RMDN2: variants seen among roughly 807,000 people sequenced by gnomAD.
The protein encoded by RMDN2 is regulator of microtubule dynamics 2.
Under a neutral mutation model 52.8 loss-of-function variants are expected in RMDN2, and 61 were observed. That is an observed-to-expected ratio of 1.16 (90% CI 0.94 to 1.43). The LOEUF (loss-of-function observed/expected upper bound fraction) is 1.43, where lower values mean the gene tolerates loss of function less well. RMDN2 is among the 40% of genes most tolerant of loss of function. The pLI, the probability that RMDN2 is intolerant of heterozygous loss-of-function variation, is 0.00. For missense variants in RMDN2, 592 were observed against 475.3 expected (o/e 1.25, Z -2.28); for synonymous variants, 180 against 153.1 (o/e 1.18, Z -1.30).
intron 7 of RMDN2, among the ~76,000 whole-genome samples, chr2:37,995,776 T>A (rs900161032): frequency 6.6e-6 from 1 of 152,214 alleles, no homozygotes; most frequent in African/African-American, 2.4e-5. Flanking sequence ...AGAACTGATG[T>A]CATGCAGTTT....
intron 10 of RMDN2, chr2:38,030,156 C>A (rs1476230623): frequency 6.6e-6 from 1 of 152,216 alleles, no homozygotes. Flanking sequence ...GAGTCTGTGA[C>A]AATGCCAGCG....
At chr2:37,959,466 G>A (rs2125006050) in intron 2 of RMDN2, among the ~76,000 whole-genome samples, 1 of 151,004 alleles carries the variant, frequency 6.6e-6, no homozygotes, top group East Asian at 1.9e-4. Flanking sequence ...CTCTCTGATG[G>A]TAGTTTGTAT....
chr2:37,937,036 G>T (rs1323163655), intron 2 of RMDN2, among the ~76,000 whole-genome samples: 1 of 151,688 alleles, frequency 6.6e-6, no homozygotes, highest in Non-Finnish European at 1.5e-5. Context: ...AGGTCTTAAC[G>T]CTTAAGTCTT....
chr2:38,030,668 G>T (rs921627335), intron 10 of RMDN2: 1 of 152,128 alleles, frequency 6.6e-6, no homozygotes, highest in East Asian at 1.9e-4. Context: ...CAGTATTTCA[G>T]TGAAACCTTT....
chr2:37,954,360 T>G (rs1669198323), intron 2 of RMDN2, among the ~76,000 whole-genome samples: 1 of 152,138 alleles, frequency 6.6e-6, no homozygotes, highest in Non-Finnish European at 1.5e-5. Flanking sequence ...TGATGCATTT[T>G]GAGTTAATTT....
chr2:37,978,813 T>G (rs1026391351), intron 4 of RMDN2, among the ~76,000 whole-genome samples: 2 of 151,714 alleles, frequency 1.3e-5, no homozygotes, highest in African/African-American at 2.4e-5. Context: ...GATAGATAGA[T>G]AGAGAACAGG....
intron 8 of RMDN2, among the ~76,000 whole-genome samples, chr2:37,999,704 C>T (rs771976803): frequency 1.3e-5 from 2 of 152,190 alleles, no homozygotes; most frequent in East Asian, 1.9e-4. Flanking sequence ...CTGCAACCCC[C>T]GGGTCCTACA....
At chr2:37,941,747 C>T (rs926256215) in intron 2 of RMDN2, among the ~76,000 whole-genome samples, 4 of 152,128 alleles carry the variant, frequency 2.6e-5, no homozygotes, top group Non-Finnish European at 5.9e-5. Flanking sequence ...CCCTTCCCCA[C>T]CATGCTGGAG....
intron 2 of RMDN2, among the ~76,000 whole-genome samples, chr2:37,956,663 ATTTT>A (rs1371817032): frequency 7.1e-6 from 1 of 141,700 alleles, no homozygotes; most frequent in Non-Finnish European, 1.6e-5. Context: ...CTTCTTTTTT[ATTTT>A]TTATTATACT....
chr2:38,057,184 C>A (rs1042780227), intron 10 of RMDN2, among the ~76,000 whole-genome samples: 2 of 152,124 alleles, frequency 1.3e-5, no homozygotes, highest in African/African-American at 4.8e-5. Context: ...ATGGTGCAGA[C>A]CAGGATTGGC....
At chr2:37,946,866 G>A (rs1158392226) in intron 2 of RMDN2, among the ~76,000 whole-genome samples, 2 of 152,206 alleles carry the variant, frequency 1.3e-5, no homozygotes, top group East Asian at 1.9e-4. Flanking sequence ...AAATTATCTA[G>A]TGTTGCTAGA....
intron 10 of RMDN2, among the ~76,000 whole-genome samples, chr2:38,032,526 A>T (rs1336781227): frequency 6.6e-6 from 1 of 152,232 alleles, no homozygotes; most frequent in Non-Finnish European, 1.5e-5. Context: ...TGACATTATT[A>T]TGAATAAAGC....
At chr2:37,992,607 T>A (rs551836508) in intron 7 of RMDN2, among the ~76,000 whole-genome samples, 2 of 152,278 alleles carry the variant, frequency 1.3e-5, no homozygotes, top group Admixed American at 6.5e-5. Context: ...TCCTGGTAAT[T>A]TTTCTTCAGC....
At chr2:38,028,742 G>T (rs897164173) in intron 10 of RMDN2, among the ~76,000 whole-genome samples, 1 of 152,130 alleles carries the variant, frequency 6.6e-6, no homozygotes, top group Admixed American at 6.6e-5. Flanking sequence ...CTCCAATTGT[G>T]GGCGGGTCCC....
intron 8 of RMDN2, chr2:37,997,804 A>G (rs953112735): frequency 6.0e-6 from 2 of 331,048 alleles, no homozygotes; most frequent in African/African-American, 4.3e-5. Flanking sequence ...TGCTAAGTCC[A>G]AGAACAGCTC....
intron 3 of RMDN2, chr2:37,975,003 C>T (rs952721781): frequency 5.7e-6 from 3 of 526,696 alleles, no homozygotes; most frequent in Non-Finnish European, 1.0e-5. Context: ...GTTTTAAGAT[C>T]CAAATGTAAC....
At chr2:38,060,836 C>T (rs1371859230) in intron 10 of RMDN2, among the ~76,000 whole-genome samples, 1 of 152,068 alleles carries the variant, frequency 6.6e-6, no homozygotes, top group East Asian at 1.9e-4. Context: ...AGCACAACAC[C>T]AGGGGATGGG....
chr2:37,947,205 T>G (rs1668292208), intron 2 of RMDN2, among the ~76,000 whole-genome samples: 1 of 152,080 alleles, frequency 6.6e-6, no homozygotes, highest in African/African-American at 2.4e-5. Flanking sequence ...CCTCCCACCC[T>G]CCTGAGAAGT....
upstream of RMDN2, among the ~76,000 whole-genome samples, chr2:37,924,118 C>T (rs1033997239): frequency 3.9e-5 from 6 of 152,108 alleles, no homozygotes; most frequent in Non-Finnish European, 7.4e-5. Context: ...GCCTGAAGCT[C>T]AAAAAATCAT....
Sources: gnomAD v4.1 joint callset for allele counts (sites outside exome capture counted in the v4.1 genomes callset) on GRCh38, gnomAD v4.1.1 for gene constraint, MANE v1.5 for transcripts, NCBI Gene and HGNC (gene_info 2026-07-23, HGNC 2026-07-21) for gene names.